The following SLC5A9 variants were observed in gnomAD, a reference collection of about 807,000 sequenced individuals.
SLC5A9 encodes the protein sodium/glucose cotransporter 4.
SLC5A9 carries 59 observed loss-of-function variants against 70.9 expected under a neutral mutation model. The ratio of observed to expected loss-of-function variants is 0.83; its 90% CI spans 0.68 to 1.03. SLC5A9 has a LOEUF of 1.03. Ranked by LOEUF, SLC5A9 falls within the 50% of genes least tolerant of loss-of-function variation. SLC5A9 has a pLI of 0.00. For missense variants in SLC5A9, 832 were observed against 881.1 expected (o/e 0.94, Z 0.71); for synonymous variants, 340 against 346.5 (o/e 0.98, Z 0.21).
intron 12 of SLC5A9, chr1:48,241,123 A>G (rs993104685): frequency 3.9e-5 from 6 of 152,110 alleles, no homozygotes; most frequent in African/African-American, 1.4e-4. Flanking sequence ...CTGAAATATC[A>G]GTGTTCCTTA....
In SLC5A9 at chr1:48,227,384, A is replaced by AGT. The variant is rs1189520715; in HGVS notation, c.235-1457_235-1456dup. ...GCCTGTGTGTGATTGCATGTGTGAG[A>AGT]GTGTGTGTGTACTGTGCCTGTGTGG... On this transcript the variant is annotated intron_variant, in intron 2 of 13. Coordinates refer to ENST00000438567, the MANE Select transcript of SLC5A9 (RefSeq NM_001011547.3). 7.6e-4 allele frequency among the ~76,000 whole-genome samples: 43 copies of AGT among 56,816 alleles called. 1 individual carries two copies. The highest frequency in any genetic ancestry group is 2.0e-4 in the Non-Finnish European group (6 of 30,448). The allele number at this position is 56,816 out of a possible 152,430, so 37.3% of individuals were successfully genotyped here.
chr1:48,232,473 C>A lies in SLC5A9; in HGVS notation c.1004C>A (p.Pro335His). Residue 335 changes from proline (P) to histidine (H), a missense_variant, in exon 8 of 14, where the codon CCT becomes CAT. Transcript: ENST00000438567. ...CTCCCCATGTTCTTCATCGTCATGC[C>A]TGGCATGATCAGCCGGGCCCTGTTC... ...KILPMFFIVM[P>H]GMISRALFPD... The A allele has an allele frequency of 6.2e-7, 1 of 1,614,216 alleles. No homozygotes were observed. Among genetic ancestry groups the A allele is most frequent in the Non-Finnish European group, 8.5e-7 (1 of 1,180,038 alleles).
intron 2 of SLC5A9, chr1:48,228,472 C>T (rs1039321151): frequency 1.1e-5 from 2 of 187,024 alleles, no homozygotes; most frequent in Non-Finnish European, 2.3e-5. Flanking sequence ...CCTTTCCTTC[C>T]CTCCTGTGGG....
At chr1:48,237,436 T>C (rs1644341500) in intron 10 of SLC5A9, among the ~76,000 whole-genome samples, 1 of 152,056 alleles carries the variant, frequency 6.6e-6, no homozygotes, top group Admixed American at 6.5e-5. Flanking sequence ...AGCCGTCTAA[T>C]ATATAAGTGC....
At chr1:48,247,074 G>C (rs2148593270) in intron 13 of SLC5A9, among the ~76,000 whole-genome samples, 1 of 152,242 alleles carries the variant, frequency 6.6e-6, no homozygotes, top group South Asian at 2.1e-4. Context: ...GAAGAAAGTG[G>C]TGCTTCCACT....
chr1:48,227,073 G>A (rs539230502), intron 2 of SLC5A9, among the ~76,000 whole-genome samples: 1 of 152,194 alleles, frequency 6.6e-6, no homozygotes, highest in East Asian at 1.9e-4. Flanking sequence ...GTGCACGTGT[G>A]TGCATACCTG....
chr1:48,232,141 G>A lies in SLC5A9; in HGVS notation c.887G>A (p.Cys296Tyr), dbSNP rs1336741724. 1 of 1,611,258 alleles carries A rather than the reference G, an allele frequency of 6.2e-7. No homozygotes were observed. The highest frequency in any genetic ancestry group is 8.5e-7 in the Non-Finnish European group (1 of 1,177,986). The change falls in exon 7 of 14, where the codon TGC becomes TAC. Residue 296 changes from cysteine to tyrosine, a missense_variant. Transcript: ENST00000438567. ...GLTVLATWCW[C>Y]TDQVIVQRSL... is the part of the protein sequence containing the mutation. ...ACAGTGCTGGCCACCTGGTGTTGGT[G>A]CACAGACCAGGTAATCCCCCAGCCA...
In SLC5A9 at chr1:48,239,459, T is replaced by C; in HGVS notation, c.1599T>C (p.Phe533=). 1 of 1,614,200 alleles carries C rather than the reference T, an allele frequency of 6.2e-7. No individual in the cohort carries two copies. Among genetic ancestry groups the C allele is most frequent in the Non-Finnish European group, 8.5e-7 (1 of 1,180,038 alleles). ...TGAAGGACTTCCACTACCTGTACTTTGCAATCCTCCTCTGCGGGCTCACTG... is the reference window on the plus strand; with the variant it reads ...TGAAGGACTTCCACTACCTGTACTTCGCAATCCTCCTCTGCGGGCTCACTG... The part of the protein sequence containing the change: ...AVLKDFHYLY[F]AILLCGLTAI... Residue 533 remains phenylalanine (F), a synonymous_variant, in exon 12 of 14, where the codon TTT becomes TTC. Transcript: ENST00000438567. The surrounding 1 kb of genome is among the most constrained non-coding windows in gnomAD (Gnocchi z 4.2).
At position 48,232,157 on chromosome 1, in the gene SLC5A9, C is replaced by A; in HGVS notation, c.897+6C>A. 1.2e-6 allele frequency: 2 copies of A among 1,605,162 alleles called. No individual in the cohort carries two copies. Among genetic ancestry groups the A allele is most frequent in the Admixed American group, 1.7e-5 (1 of 59,702 alleles). ...GGTGTTGGTGCACAGACCAGGTAAT[C>A]CCCCAGCCAGGCTTAGCCCAGCCTG... On this transcript the variant is annotated splice_donor_region_variant and intron_variant, in intron 7 of 13. Coordinates refer to ENST00000438567, the MANE Select transcript of SLC5A9 (RefSeq NM_001011547.3).
chr1:48,232,381 G>A lies in SLC5A9; in HGVS notation c.912G>A (p.Arg304=), dbSNP rs758183961. 2 of 1,614,110 alleles carry A rather than the reference G, an allele frequency of 1.2e-6. No individual in the cohort carries two copies. The highest frequency in any genetic ancestry group is 1.7e-6 in the Non-Finnish European group (2 of 1,180,022). Residue 304 remains arginine, a synonymous_variant, in exon 8 of 14, where the codon CGG becomes CGA. Coordinates refer to ENST00000438567, the MANE Select transcript of SLC5A9 (RefSeq NM_001011547.3). The part of the protein sequence containing the change: ...CWCTDQVIVQ[R]SLSAKSLSHA... ...TGCCCTTTCAGGTCATTGTGCAGCGGTCTCTCTCGGCCAAGAGTCTGTCTC... is the reference window on the plus strand; with the variant it reads ...TGCCCTTTCAGGTCATTGTGCAGCGATCTCTCTCGGCCAAGAGTCTGTCTC...
At chr1:48,230,550 C>T (rs1365281499) in intron 4 of SLC5A9, 50 bp from the exon 5 acceptor site, 1 of 1,337,452 alleles carries the variant, frequency 7.5e-7, no homozygotes, top group Admixed American at 1.7e-5. Flanking sequence ...CCATACAACC[C>T]TACTGAGGGC....
chr1:48,233,642 A>T lies in SLC5A9; in HGVS notation c.1034-13A>T. 1 of 1,610,138 alleles carries T rather than the reference A, an allele frequency of 6.2e-7. No individual in the cohort carries two copies. The highest frequency in any genetic ancestry group is 8.5e-7 in the Non-Finnish European group (1 of 1,176,672). ...GAGATCACGGACTCTAACTGCCATT[A>T]CTTCTTCCACAGACGAGGTGGGCTG... On this transcript the variant is annotated splice_polypyrimidine_tract_variant and intron_variant, in intron 8 of 13. Coordinates refer to ENST00000438567, the MANE Select transcript of SLC5A9 (RefSeq NM_001011547.3).
intron 2 of SLC5A9, among the ~76,000 whole-genome samples, chr1:48,226,219 A>G (rs1644144641): frequency 6.6e-6 from 1 of 152,154 alleles, no homozygotes; most frequent in Admixed American, 6.5e-5. Context: ...GTGCCCCCCA[A>G]ATCACAGCCC....
rs1232249805 is a variant in SLC5A9 at position 48,232,090 on chromosome 1, C to T, written c.836C>T (p.Pro279Leu). The T allele has an allele frequency of 6.2e-7, 1 of 1,614,046 alleles. No individual in the cohort carries two copies. The highest frequency in any genetic ancestry group is 1.3e-5 in the African/African-American group (1 of 74,936). The change falls in exon 7 of 14, where the codon CCT becomes CTT. Residue 279 changes from proline (P) to leucine (L), a missense_variant. Pro to Leu is a moderately conservative substitution (Grantham distance 98). Transcript: ENST00000438567. Reference protein sequence around the residue: ...ILRDPVSGDIPWPGLIFGLTV... With the variant: ...ILRDPVSGDILWPGLIFGLTV... ...CGGGACCCTGTGAGCGGGGACATCC[C>T]TTGGCCAGGTCTCATTTTCGGGCTC... is the stretch of plus-strand genomic sequence containing the variant.
Position 48,233,665 on chromosome 1 carries a change from C to A in SLC5A9, c.1044C>A (p.Gly348=), listed in dbSNP as rs149560761. Residue 348 remains glycine, a synonymous_variant, in exon 9 of 14, where the codon GGC becomes GGA. Coordinates refer to ENST00000438567, the MANE Select transcript of SLC5A9 (RefSeq NM_001011547.3). ...ISRALFPDEV[G]CVDPDVCQRI... ...TTACTTCTTCCACAGACGAGGTGGG[C>A]TGCGTGGACCCTGATGTCTGCCAAA... The A allele has an allele frequency of 2.4e-5, 38 of 1,613,706 alleles. No homozygotes were observed. The African/African-American group carries it at 4.3e-4, about 18-fold the overall frequency.
Position 48,224,708 on chromosome 1 carries a change from T to C in SLC5A9, c.163-16T>C. On this transcript the variant is annotated splice_polypyrimidine_tract_variant and intron_variant, in intron 1 of 13. Transcript: ENST00000438567. ...AGAGTCTTGAGAAATCCTCATCTCA[T>C]CTATTTCCTTTCCAGTCGTCCATCC... The C allele has an allele frequency of 1.2e-6, 2 of 1,613,688 alleles. No individual in the cohort carries two copies. Among genetic ancestry groups the C allele is most frequent in the African/African-American group, 1.3e-5 (1 of 74,998 alleles).
intron 2 of SLC5A9, among the ~76,000 whole-genome samples, 164 bp downstream of exon 2, chr1:48,224,959 G>A (rs574425914): frequency 1.6e-5 from 2 of 127,690 alleles, no homozygotes; most frequent in African/African-American, 6.0e-5. Flanking sequence ...AACCCGCCCC[G>A]CAACCTGAGT....
rs570814929 is a variant in SLC5A9, at chr1:48,236,630, T to A, written c.1292+751T>A. Among the ~76,000 whole-genome samples, 10 of 152,362 alleles carry A rather than the reference T, an allele frequency of 6.6e-5. No individual in the cohort carries two copies. The East Asian group carries it at 1.7e-3, about 26-fold the overall frequency. On this transcript the variant is annotated intron_variant, in intron 10 of 13. Coordinates refer to ENST00000438567, the MANE Select transcript of SLC5A9 (RefSeq NM_001011547.3). Reference sequence around the variant, plus strand: ...CTTCATAATCGAAGGTTCCCTAACTTGGATTTCTGGACTAAAGTTCTCCCA... The same window carrying A: ...CTTCATAATCGAAGGTTCCCTAACTAGGATTTCTGGACTAAAGTTCTCCCA...
chr1:48,239,178 G>A lies in SLC5A9; in HGVS notation c.1462-144G>A, dbSNP rs1284972925. The A allele has an allele frequency of 3.0e-5, 19 of 637,258 alleles. No homozygotes were observed. Among genetic ancestry groups the A allele is most frequent in the Non-Finnish European group, 4.7e-5 (17 of 358,748 alleles). 39.5% of individuals were successfully genotyped at this position (637,258 alleles called of 1,614,324 possible). A position where few individuals can be genotyped will look rare whatever the true frequency, so the allele number is the denominator to read the frequency against. ...TCAAGACGAAGTCTCAGTATTAATG[G>A]AGAACTCATTTTCCCATTAGTAGAT... On this transcript the variant is annotated intron_variant, in intron 11 of 13. Coordinates refer to ENST00000438567, the MANE Select transcript of SLC5A9 (RefSeq NM_001011547.3). The surrounding 1 kb of genome is among the most constrained non-coding windows in gnomAD (Gnocchi z 4.2).
Sources: gnomAD v4.1 joint callset for allele counts (sites outside exome capture counted in the v4.1 genomes callset) on GRCh38, gnomAD v4.1.1 for gene constraint, Gnocchi (gnomAD v3.1) non-coding constraint, MANE v1.5 for transcripts, NCBI Gene and HGNC (gene_info 2026-07-23, HGNC 2026-07-21) for gene names.